NDFIP1: variants seen among roughly 807,000 people sequenced by gnomAD.
The protein encoded by NDFIP1 is NEDD4 family-interacting protein 1.
Under a neutral mutation model 28.8 loss-of-function variants are expected in NDFIP1, and 7 were observed. The ratio of observed to expected loss-of-function variants is 0.24; its 90% CI spans 0.14 to 0.46. The LOEUF (loss-of-function observed/expected upper bound fraction) is 0.46. Ranked by LOEUF, NDFIP1 falls within the 20% of genes least tolerant of loss-of-function variation. The pLI is 0.99. For synonymous variants in NDFIP1, 92 were observed against 101.0 expected, an observed-to-expected ratio of 0.91 and a Z score of 0.53; for missense variants, 194 against 269.1, an observed-to-expected ratio of 0.72 and a Z score of 1.95.
At chr5:142,135,681 CT>C (rs756295578) in intron 3 of NDFIP1, 48 bp from the exon 4 acceptor site, 1 of 1,526,798 alleles carries the variant, frequency 6.5e-7, no homozygotes, top group Non-Finnish European at 9.0e-7. Context: ...CTTCATTTTT[CT>C]TTATGTCTTC....
chr5:142,145,680 C>A (rs1487250236), intron 7 of NDFIP1, among the ~76,000 whole-genome samples: 1 of 152,078 alleles, frequency 6.6e-6, no homozygotes, highest in Non-Finnish European at 1.5e-5. Flanking sequence ...CAGAGGATAG[C>A]AGCTTGATTG....
At chr5:142,130,572 G>A (rs1341216643) in intron 1 of NDFIP1, among the ~76,000 whole-genome samples, 1 of 151,840 alleles carries the variant, frequency 6.6e-6, no homozygotes, top group African/African-American at 2.4e-5. Context: ...ACCAGTCTGG[G>A]CAACACAGGA....
rs966473503 is a variant in NDFIP1 at position 142,124,994 on chromosome 5, T to A, written c.64-6814T>A. On this transcript the variant is annotated intron_variant, in intron 1 of 7. Coordinates refer to ENST00000253814, the MANE Select transcript of NDFIP1 (RefSeq NM_030571.4). ...GTGCCCACCATCACGCCCAGCTAATTTTTTTGTATTTTTAGTAGAGATGGG... is the reference window on the plus strand; with the variant it reads ...GTGCCCACCATCACGCCCAGCTAATATTTTTGTATTTTTAGTAGAGATGGG... Among the ~76,000 whole-genome samples the A allele has an allele frequency of 5.3e-5, 8 of 152,136 alleles. No homozygotes were observed. The South Asian group carries it at 1.5e-3, about 28-fold the overall frequency.
At chr5:142,143,993 TTAATAATAATAA>T (rs61139878) in intron 6 of NDFIP1, 40 of 147,990 alleles carry the variant, frequency 2.7e-4, no homozygotes, top group Admixed American at 1.6e-3. Context: ...ACCCTGTCTG[TTAATAATAATAA>T]TAATAATAAT....
chr5:142,111,988 A>G (rs1757018699), intron 1 of NDFIP1, among the ~76,000 whole-genome samples: 1 of 151,918 alleles, frequency 6.6e-6, no homozygotes. Context: ...AATTGCTTGA[A>G]CCTGGGAGGC....
At chr5:142,129,757 C>G (rs943546845) in intron 1 of NDFIP1, among the ~76,000 whole-genome samples, 5 of 151,758 alleles carry the variant, frequency 3.3e-5, no homozygotes, top group African/African-American at 1.2e-4. Flanking sequence ...ACTAAAAATA[C>G]AAAAATTAGC....
chr5:142,116,040 A>G, intron 1 of NDFIP1, among the ~76,000 whole-genome samples: 1 of 152,130 alleles, frequency 6.6e-6, no homozygotes, highest in South Asian at 2.1e-4. Context: ...GCATCCTCCC[A>G]TTTTGGTATC....
intron 1 of NDFIP1, among the ~76,000 whole-genome samples, chr5:142,114,815 T>C (rs1342751188): frequency 6.6e-6 from 1 of 152,248 alleles, no homozygotes; most frequent in Non-Finnish European, 1.5e-5. Context: ...CCAAGCCTCA[T>C]GCTTTGTTTT....
At chr5:142,124,085 C>G (rs10463349) in intron 1 of NDFIP1, among the ~76,000 whole-genome samples, 19,532 of 152,132 alleles carry the variant, frequency 0.13, 1,565 homozygotes, top group East Asian at 0.37. Flanking sequence ...TACCGTTAAC[C>G]TCAAAGGCTC....
In NDFIP1 at chr5:142,154,351, G is replaced by C. The variant is rs371375985; in HGVS notation, c.*2623G>C. The C allele has an allele frequency of 3.3e-5, 5 of 151,828 alleles. No homozygotes were observed. In the East Asian group the frequency reaches 9.4e-4, roughly 29 times the overall value. The allele number at this position is 151,828 out of a possible 1,614,324, so 9.4% of individuals were successfully genotyped here. On this transcript the variant is annotated 3_prime_UTR_variant, in exon 8 of 8. Transcript: ENST00000253814. ...AAACTCTGTACTCTTATGTTTAAAGGGTTCTGTATAGCCATTTTTTTTTTC... is the reference window on the plus strand; with the variant it reads ...AAACTCTGTACTCTTATGTTTAAAGCGTTCTGTATAGCCATTTTTTTTTTC...
At chr5:142,149,434 CTTTTTTTTTTT>C (rs10684292) in intron 7 of NDFIP1, among the ~76,000 whole-genome samples, 4 of 114,686 alleles carry the variant, frequency 3.5e-5, no homozygotes, top group Admixed American at 9.7e-5. Flanking sequence ...TATTGGATTC[CTTTTTTTTTTT>C]TTTTTTTTTT....
intron 3 of NDFIP1, among the ~76,000 whole-genome samples, chr5:142,132,847 GGTGGAGATTGGGATGCCATATAAACCA>G (rs1378710424): frequency 4.6e-5 from 7 of 152,220 alleles, no homozygotes; most frequent in African/African-American, 1.7e-4. Context: ...GATTCATGGA[GGTGGAGATTGGGATGCCATATAAACCA>G]GTGGAGATTA....
intron 3 of NDFIP1, among the ~76,000 whole-genome samples, chr5:142,133,409 A>G (rs184545436): frequency 6.6e-6 from 1 of 152,364 alleles, no homozygotes; most frequent in East Asian, 1.9e-4. Flanking sequence ...TCCAATCTTC[A>G]TAGTAACCTT....
intron 4 of NDFIP1, 115 bp downstream of exon 4, chr5:142,135,932 T>TA (rs1757270678): frequency 1.5e-6 from 1 of 651,716 alleles, no homozygotes; most frequent in African/African-American, 1.8e-5. Context: ...ACATTATGTT[T>TA]ATTTGGTGCC....
In NDFIP1 at chr5:142,154,355, C is replaced by G. The variant is rs1757477690; in HGVS notation, c.*2627C>G. 1 of 151,464 alleles carries G rather than the reference C, an allele frequency of 6.6e-6. No homozygotes were observed. The highest frequency in any genetic ancestry group is 2.4e-5 in the African/African-American group (1 of 40,930). 9.4% of individuals were successfully genotyped at this position (151,464 alleles called of 1,614,324 possible). A position where few individuals can be genotyped will look rare whatever the true frequency, so the allele number is the denominator to read the frequency against. Reference sequence around the variant, plus strand: ...TCTGTACTCTTATGTTTAAAGGGTTCTGTATAGCCATTTTTTTTTTCAGAA... The same window carrying G: ...TCTGTACTCTTATGTTTAAAGGGTTGTGTATAGCCATTTTTTTTTTCAGAA... On this transcript the variant is annotated 3_prime_UTR_variant, in exon 8 of 8. Coordinates refer to ENST00000253814, the MANE Select transcript of NDFIP1 (RefSeq NM_030571.4).
Position 142,108,946 on chromosome 5 carries a change from C to T in NDFIP1, c.-29C>T, listed in dbSNP as rs953608886. On this transcript the variant is annotated 5_prime_UTR_variant, in exon 1 of 8. Coordinates refer to ENST00000253814, the MANE Select transcript of NDFIP1 (RefSeq NM_030571.4). ...CGCCCCTTCAGCTAGCTCGCTCGCT[C>T]GCTCTGCTTCCCTGCTGCCGGCTGC... 18 of 1,428,270 alleles carry T rather than the reference C, an allele frequency of 1.3e-5. No individual in the cohort carries two copies. The Admixed American group carries it at 3.9e-4, about 31-fold the overall frequency. The allele number at this position is 1,428,270 out of a possible 1,614,324, so 88.5% of individuals were successfully genotyped here.
intron 3 of NDFIP1, among the ~76,000 whole-genome samples, chr5:142,135,457 G>A (rs1339257855): frequency 1.3e-5 from 2 of 152,132 alleles, no homozygotes; most frequent in Admixed American, 6.6e-5. Flanking sequence ...TGTTTTTGAA[G>A]TGTATTAAAT....
intron 1 of NDFIP1, 91 bp downstream of exon 1, chr5:142,109,128 C>A: frequency 8.8e-7 from 1 of 1,140,686 alleles, no homozygotes. Flanking sequence ...GGCCCGCGGC[C>A]AACTCGACGC....
intron 4 of NDFIP1, among the ~76,000 whole-genome samples, chr5:142,136,841 G>A (rs1462614520): frequency 2.0e-5 from 3 of 151,326 alleles, no homozygotes; most frequent in Admixed American, 6.6e-5. Flanking sequence ...TGAGGTGGGC[G>A]AATCACCTGG....
Sources: gnomAD v4.1 joint callset for allele counts (sites outside exome capture counted in the v4.1 genomes callset) on GRCh38, gnomAD v4.1.1 for gene constraint, MANE v1.5 for transcripts, NCBI Gene and HGNC (gene_info 2026-07-23, HGNC 2026-07-21) for gene names.